Variants in NOD2 observed in about 807,000 individuals in gnomAD.
NOD2 encodes nucleotide-binding oligomerization domain-containing protein 2.
NOD2 carries 86 observed loss-of-function variants against 90.9 expected under a neutral mutation model. The ratio of observed to expected loss-of-function variants is 0.95; its 90% CI spans 0.79 to 1.13. The LOEUF is 1.13. NOD2 is among the 50% of genes most tolerant of loss of function. The pLI, the probability that NOD2 is intolerant of heterozygous loss-of-function variation, is 0.00. For missense variants in NOD2, 1,238 were observed against 1,283.8 expected, an observed-to-expected ratio of 0.96 and a Z score of 0.55; for synonymous variants, 581 against 554.6, an observed-to-expected ratio of 1.05 and a Z score of -0.67.
At chr16:50,727,453 A>G (rs1266382906) in intron 10 of NOD2, 2 of 200,694 alleles carry the variant, frequency 1.0e-5, no homozygotes, top group Non-Finnish European at 2.1e-5. Flanking sequence ...AATAGGAACC[A>G]TTAAAATCAA....
chr16:50,727,534 A>G (rs993290007), intron 10 of NOD2: 1 of 262,576 alleles, frequency 3.8e-6, no homozygotes, highest in African/African-American at 2.2e-5. Flanking sequence ...GGGATTCAAC[A>G]AACTCTTGGA....
rs1373092494 is a variant in NOD2, at chr16:50,710,452, C to T, written c.566-106C>T. ...GCCAGGATGGGCGCCCGCTGGCTCT[C>T]CTATCCCTTCAGTTATGTCAGCGTC... On this transcript the variant is annotated intron_variant, in intron 3 of 11. Coordinates refer to ENST00000647318, the MANE Select transcript of NOD2 (RefSeq NM_001370466.1). 5.3e-6 allele frequency: 8 copies of T among 1,515,664 alleles called. No homozygotes were observed. In the South Asian group the frequency reaches 6.8e-5, roughly 13 times the overall value. The allele number at this position is 1,515,664 out of a possible 1,614,324, so 93.9% of individuals were successfully genotyped here.
chr16:50,723,574 T>C (rs569736346), intron 9 of NOD2, among the ~76,000 whole-genome samples, 190 bp downstream of exon 9: 2 of 152,336 alleles, frequency 1.3e-5, no homozygotes. Flanking sequence ...ATGTACATGC[T>C]AATTTTTTTA....
intron 1 of NOD2, chr16:50,697,649 G>A: frequency 5.0e-6 from 2 of 397,718 alleles, no homozygotes; most frequent in South Asian, 2.1e-5. Flanking sequence ...GGCACAAGGA[G>A]GAGAACTCCT....
At chr16:50,719,504 C>T (rs559470073) in intron 6 of NOD2, among the ~76,000 whole-genome samples, 25 of 152,210 alleles carry the variant, frequency 1.6e-4, no homozygotes, top group African/African-American at 4.8e-4. Flanking sequence ...ACCTGCCCAG[C>T]GCTCTTGTGC....
At position 50,711,907 on chromosome 16, in the gene NOD2, G is replaced by A; in HGVS notation, c.1915G>A (p.Ala639Thr). The A allele has an allele frequency of 2.5e-6, 4 of 1,608,642 alleles. No individual in the cohort carries two copies. Among genetic ancestry groups the A allele is most frequent in the Non-Finnish European group, 3.4e-6 (4 of 1,175,920 alleles). The change falls in exon 4 of 12, where the codon GCC becomes ACC. Residue 639 changes from alanine (A) to threonine (T), a missense_variant. This residue lies in a region of NOD2 where 667 missense variants were observed against 688.7 expected (regional missense o/e 0.97). Coordinates refer to ENST00000647318, the MANE Select transcript of NOD2 (RefSeq NM_001370466.1). ...DSSVAALLQK[A>T]EPHNLQITAA... ...CAGCGTGGCAGCTTTGCTGCAGAAG[G>A]CCGAGCCGCACAACCTTCAGATCAC...
rs5743284 is a variant in NOD2, at chr16:50,716,849, T to C, written c.2466-42T>C. 1.8e-3 allele frequency: 2,803 copies of C among 1,591,306 alleles called. 43 individuals are homozygous for C. The African/African-American group carries it at 0.034, about 19-fold the overall frequency. ...CTGGGATTTGGTGCTCACTGTCCAATGTGCTTTGCTTCTGTGTCTCCTCTC... is the reference window on the plus strand; with the variant it reads ...CTGGGATTTGGTGCTCACTGTCCAACGTGCTTTGCTTCTGTGTCTCCTCTC... On this transcript the variant is annotated intron_variant, in intron 5 of 11. Transcript: ENST00000647318.
intron 7 of NOD2, among the ~76,000 whole-genome samples, chr16:50,721,522 C>T (rs1025116751): frequency 9.2e-5 from 14 of 151,808 alleles, no homozygotes; most frequent in African/African-American, 3.4e-4. Flanking sequence ...GAAAGGGTCT[C>T]ACTCTGTCAC....
In NOD2 at chr16:50,711,339, C is replaced by T. The variant is rs1196822685; in HGVS notation, c.1347C>T (p.Thr449=). 2 of 1,613,694 alleles carry T rather than the reference C, an allele frequency of 1.2e-6. No homozygotes were observed. The highest frequency in any genetic ancestry group is 2.2e-5 in the South Asian group (2 of 91,090). The change falls in exon 4 of 12, where the codon ACC becomes ACT. Residue 449 remains threonine (T), a synonymous_variant. Coordinates refer to ENST00000647318, the MANE Select transcript of NOD2 (RefSeq NM_001370466.1). The part of the protein sequence containing the change: ...ADRLIRLLQE[T]SALHGLCHLP... Reference sequence around the variant, plus strand: ...GCCTCATCCGCCTGCTCCAAGAGACCTCAGCCCTGCACGGTTTGTGCCACC... The same window carrying T: ...GCCTCATCCGCCTGCTCCAAGAGACTTCAGCCCTGCACGGTTTGTGCCACC...
At chr16:50,725,637 T>A in intron 10 of NOD2, 65 bp downstream of exon 10, 1 of 1,231,822 alleles carries the variant, frequency 8.1e-7, no homozygotes, top group Non-Finnish European at 1.2e-6. Flanking sequence ...CATTTCTGAA[T>A]AAGATCTGGG....
chr16:50,724,302 C>A (rs1423651198), intron 9 of NOD2, among the ~76,000 whole-genome samples: 2 of 152,188 alleles, frequency 1.3e-5, no homozygotes, highest in Admixed American at 1.3e-4. Flanking sequence ...TCTATCCTGA[C>A]TGGATTTTGC....
intron 4 of NOD2, among the ~76,000 whole-genome samples, chr16:50,714,485 G>T (rs747861815): frequency 6.6e-6 from 1 of 152,204 alleles, no homozygotes; most frequent in Non-Finnish European, 1.5e-5. Context: ...CAACCAGCTT[G>T]GTTTTCCATT....
At chr16:50,725,019 G>A (rs902477029) in intron 9 of NOD2, among the ~76,000 whole-genome samples, 8 of 152,122 alleles carry the variant, frequency 5.3e-5, no homozygotes, top group African/African-American at 9.7e-5. Flanking sequence ...TCCCGGATTC[G>A]ATCTATATAC....
chr16:50,698,308 C>T (rs752299710), intron 1 of NOD2, among the ~76,000 whole-genome samples: 8 of 152,192 alleles, frequency 5.3e-5, no homozygotes, highest in Non-Finnish European at 1.2e-4. Context: ...GAACGCACAG[C>T]AGGTCACTGA....
chr16:50,729,467 C>G (rs987648060), intron 10 of NOD2, among the ~76,000 whole-genome samples: 1 of 152,102 alleles, frequency 6.6e-6, no homozygotes, highest in Non-Finnish European at 1.5e-5. Context: ...GCCCATTTTA[C>G]CAATGAGGAG....
rs551952991 is a variant in NOD2, at chr16:50,702,202, G to A, written c.459+2248G>A. Among the ~76,000 whole-genome samples the A allele has an allele frequency of 4.6e-5, 7 of 152,302 alleles. No individual in the cohort carries two copies. In the East Asian group the frequency reaches 1.3e-3, roughly 29 times the overall value. The stretch of plus-strand genomic sequence containing the variant: ...TCCTCCCTCGGCTTCCCAAAGTGCT[G>A]GGATTACAGGCATGAGCCACTGCGC... On this transcript the variant is annotated intron_variant, in intron 2 of 11. Transcript: ENST00000647318.
In NOD2 at chr16:50,723,139, G is replaced by GGA. The variant is rs550388653; in HGVS notation, c.2718-162_2718-161insGA. The stretch of plus-strand genomic sequence containing the variant: ...CAATTAGTGATGTCTAAAAAGGGTA[G>GGA]AAAAAAAAAAAAAAAGAAAAAAGAA... On this transcript the variant is annotated intron_variant, in intron 8 of 11. Transcript: ENST00000647318. 2.8e-5 allele frequency among the ~76,000 whole-genome samples: 3 copies of GGA among 107,844 alleles called. No homozygotes were observed. The Admixed American group carries it at 2.9e-4, about 10-fold the overall frequency. 70.7% of individuals were successfully genotyped at this position (107,844 alleles called of 152,430 possible).
At chr16:50,719,004 G>A (rs375001315) in intron 6 of NOD2, among the ~76,000 whole-genome samples, 34 of 152,168 alleles carry the variant, frequency 2.2e-4, no homozygotes, top group African/African-American at 8.2e-4. Context: ...TGGGCACCTT[G>A]GACTTCAGTG....
chr16:50,723,186 G>T, intron 8 of NOD2, 115 bp from the exon 9 acceptor site: 2 of 696,514 alleles, frequency 2.9e-6, no homozygotes, highest in Non-Finnish European at 5.2e-6. Flanking sequence ...ATCAATTAGT[G>T]ATGTCTGAAA....
Sources: allele counts gnomAD v4.1 joint callset (sites outside exome capture counted in the v4.1 genomes callset), GRCh38; gene constraint gnomAD v4.1.1; regional missense constraint gnomAD v4.1.1; transcripts MANE v1.5; gene names NCBI Gene and HGNC (gene_info 2026-07-23, HGNC 2026-07-21).